ERI3: variants seen among roughly 807,000 people sequenced by gnomAD.
ERI3 encodes the protein ERI1 exoribonuclease 3.
ERI3 carries 18 observed loss-of-function variants against 44.4 expected under a neutral mutation model. That is an observed-to-expected ratio of 0.41 (90% confidence interval 0.28 to 0.60). The LOEUF (loss-of-function observed/expected upper bound fraction) is 0.60. Ranked by LOEUF, ERI3 falls within the 20% of genes least tolerant of loss-of-function variation. The pLI is 0.36. For missense variants in ERI3, 294 were observed against 435.5 expected (o/e 0.68, Z 2.89); for synonymous variants, 183 against 164.8 (o/e 1.11, Z -0.84).
At chr1:44,246,316 C>G (rs1435042663) in intron 8 of ERI3, among the ~76,000 whole-genome samples, 1 of 152,210 alleles carries the variant, frequency 6.6e-6, no homozygotes, top group Non-Finnish European at 1.5e-5. Context: ...TTCTGCCCAG[C>G]AAACTCCTAT....
At position 44,235,666 on chromosome 1, in the gene ERI3, T is replaced by C. The variant is rs959811614; in HGVS notation, c.931+12273A>G. 6.6e-6 allele frequency among the ~76,000 whole-genome samples: 1 copy of C among 152,186 alleles called. No homozygotes were observed. The highest frequency in any genetic ancestry group is 1.5e-5 in the Non-Finnish European group (1 of 68,038). ...CCCTGAAACCCTGTCATGGTCTTTG[T>C]CTCCAGCTTCCAAAGCCCTGAAGGT... On this transcript the variant is annotated intron_variant, in intron 8 of 8. Transcript: ENST00000372257. The surrounding 1 kb of genome is among the most constrained non-coding windows in gnomAD (Gnocchi z 4.6).
At chr1:44,326,731 G>A (rs1445798242) in intron 3 of ERI3, among the ~76,000 whole-genome samples, 1 of 152,188 alleles carries the variant, frequency 6.6e-6, no homozygotes, top group African/African-American at 2.4e-5. Context: ...ACAAGGAAGG[G>A]TAAAAAATCG....
rs1198240856 is a variant in ERI3, at chr1:44,291,870, G to A, written c.759-6963C>T. Among the ~76,000 whole-genome samples, 4 of 152,178 alleles carry A rather than the reference G, an allele frequency of 2.6e-5. No homozygotes were observed. The East Asian group carries it at 7.7e-4, about 29-fold the overall frequency. On this transcript the variant is annotated intron_variant, in intron 6 of 8. Coordinates refer to ENST00000372257, the MANE Select transcript of ERI3 (RefSeq NM_024066.3). ...AGTTACAGATGGAGAAGGCACCTTGGGACTCATTCTCCCCATCAAAGTCCC... is the reference window on the plus strand; with the variant it reads ...AGTTACAGATGGAGAAGGCACCTTGAGACTCATTCTCCCCATCAAAGTCCC...
intron 8 of ERI3, among the ~76,000 whole-genome samples, chr1:44,225,060 G>A (rs762141578): frequency 6.6e-6 from 1 of 152,132 alleles, no homozygotes; most frequent in South Asian, 2.1e-4. Flanking sequence ...AGAGCAGCAG[G>A]GTGTCTGGTG....
chr1:44,290,928 G>A (rs1206557030), intron 6 of ERI3, among the ~76,000 whole-genome samples: 1 of 152,204 alleles, frequency 6.6e-6, no homozygotes, highest in Non-Finnish European at 1.5e-5. Flanking sequence ...GGGGAAGGCT[G>A]AGCTTACACA....
intron 2 of ERI3, among the ~76,000 whole-genome samples, chr1:44,351,037 T>C (rs1646879453): frequency 7.0e-6 from 1 of 143,112 alleles, no homozygotes. Flanking sequence ...CAGAGCAAAC[T>C]TTTTTTTTTT....
chr1:44,324,315 C>CA (rs1001159973), intron 3 of ERI3, among the ~76,000 whole-genome samples: 2 of 152,098 alleles, frequency 1.3e-5, no homozygotes, highest in African/African-American at 4.8e-5. Context: ...AGCCAGGATT[C>CA]AAACTCAGAT....
At chr1:44,312,152 C>G (rs890926939) in intron 5 of ERI3, among the ~76,000 whole-genome samples, 1 of 152,074 alleles carries the variant, frequency 6.6e-6, no homozygotes, top group Non-Finnish European at 1.5e-5. Context: ...GACAGGATCT[C>G]TCGGCTAAAA....
chr1:44,347,375 A>G (rs1646805756), intron 2 of ERI3, among the ~76,000 whole-genome samples: 1 of 152,242 alleles, frequency 6.6e-6, no homozygotes, highest in Admixed American at 6.5e-5. Context: ...AAAATTCCAC[A>G]GGAGCAAATC....
Position 44,352,868 on chromosome 1 carries a change from TG to T in ERI3, c.192del (p.Ile65SerfsTer4). On this transcript the variant is annotated frameshift_variant, in exon 2 of 9. Coordinates refer to ENST00000372257, the MANE Select transcript of ERI3 (RefSeq NM_024066.3). LOFTEE classifies it high-confidence loss of function. ...EPSASPAAGL[G>X]IFEVRRVLDA... Reference sequence around the variant, plus strand: ...TTCTCACCTCTCCTTACTTCGAAGATGCCAAGACCGGCAGCTGGGGATGCTG... The same window carrying T: ...TTCTCACCTCTCCTTACTTCGAAGATCCAAGACCGGCAGCTGGGGATGCTG... The T allele has an allele frequency of 6.2e-7, 1 of 1,614,138 alleles. No individual in the cohort carries two copies. Among genetic ancestry groups the T allele is most frequent in the Non-Finnish European group, 8.5e-7 (1 of 1,180,024 alleles).
At chr1:44,247,813 A>T in intron 8 of ERI3, 126 bp downstream of exon 8, 3 of 528,148 alleles carry the variant, frequency 5.7e-6, no homozygotes, top group Non-Finnish European at 9.4e-6. Flanking sequence ...CCATCCCCCC[A>T]CCTATGTAGA....
chr1:44,340,009 T>C lies in ERI3; in HGVS notation c.212-687A>G, dbSNP rs1415520459. Reference sequence around the variant, plus strand: ...TGGCTGCAGCCTTAGGCCTTCTCATTTGCTGCCTTAGACTCGGTCTCTACT... The same window carrying C: ...TGGCTGCAGCCTTAGGCCTTCTCATCTGCTGCCTTAGACTCGGTCTCTACT... On this transcript the variant is annotated intron_variant, in intron 2 of 8. Transcript: ENST00000372257. Among the ~76,000 whole-genome samples, 37 of 152,166 alleles carry C rather than the reference T, an allele frequency of 2.4e-4. 1 individual carries two copies. Among genetic ancestry groups the C allele is most frequent in the Admixed American group, 2.4e-3 (36 of 15,280 alleles).
chr1:44,289,877 G>A (rs565885314), intron 6 of ERI3, among the ~76,000 whole-genome samples: 2 of 152,372 alleles, frequency 1.3e-5, no homozygotes, highest in South Asian at 4.1e-4. Context: ...GGCAAGGAAA[G>A]CTGCACATCC....
Position 44,352,856 on chromosome 1 carries a change from T to G in ERI3, c.205A>C (p.Arg69=), listed in dbSNP as rs1646924031. Residue 69 remains arginine, a synonymous_variant, in exon 2 of 9, where the codon AGG becomes CGG. Transcript: ENST00000372257. ...CATGCAACAGGATTCTCACCTCTCC[T>G]TACTTCGAAGATGCCAAGACCGGCA... ...PAAGLGIFEV[R]RVLDASGCSM... 2 of 1,613,968 alleles carry G rather than the reference T, an allele frequency of 1.2e-6. No homozygotes were observed. Among genetic ancestry groups the G allele is most frequent in the Non-Finnish European group, 1.7e-6 (2 of 1,180,016 alleles).
chr1:44,298,914 A>G lies in ERI3; in HGVS notation c.758+9396T>C, dbSNP rs78691418. On this transcript the variant is annotated intron_variant, in intron 6 of 8. Coordinates refer to ENST00000372257, the MANE Select transcript of ERI3 (RefSeq NM_024066.3). ...AGCCTGGGTGAAAGAAGTCAGACAC[A>G]AAAGAGTATGCCTTGCATGATTCCA... 8.1e-4 allele frequency among the ~76,000 whole-genome samples: 123 copies of G among 152,348 alleles called. 1 individual carries two copies. The East Asian group carries it at 0.015, about 19-fold the overall frequency.
intron 6 of ERI3, among the ~76,000 whole-genome samples, chr1:44,289,770 C>A (rs1200673235): frequency 6.6e-6 from 1 of 152,258 alleles, no homozygotes; most frequent in Non-Finnish European, 1.5e-5. Flanking sequence ...GGAACACCCC[C>A]CTCGCTAATG....
chr1:44,233,667 A>G (rs933553653), intron 8 of ERI3, among the ~76,000 whole-genome samples: 4 of 151,898 alleles, frequency 2.6e-5, no homozygotes, highest in Admixed American at 2.6e-4. Context: ...ATTATTGAGT[A>G]CTCCTATTTC....
At chr1:44,231,557 T>C (rs917446720) in intron 8 of ERI3, among the ~76,000 whole-genome samples, 2 of 152,036 alleles carry the variant, frequency 1.3e-5, no homozygotes, top group African/African-American at 4.8e-5. Context: ...TGTGTACATA[T>C]GGGGTCTTGC....
chr1:44,323,643 T>A (rs1411418388), intron 3 of ERI3, among the ~76,000 whole-genome samples: 1 of 152,214 alleles, frequency 6.6e-6, no homozygotes, highest in Non-Finnish European at 1.5e-5. Flanking sequence ...GAAAATGCAA[T>A]CGTTTTATTC....
Sources: gnomAD v4.1 joint callset for allele counts (sites outside exome capture counted in the v4.1 genomes callset) on GRCh38, gnomAD v4.1.1 for gene constraint, Gnocchi (gnomAD v3.1) non-coding constraint, MANE v1.5 for transcripts, NCBI Gene and HGNC (gene_info 2026-07-23, HGNC 2026-07-21) for gene names.